CCDC40: variants seen among roughly 807,000 people sequenced by gnomAD.
The protein encoded by CCDC40 is coiled-coil domain-containing protein 40.
Under a neutral mutation model 124.5 loss-of-function variants are expected in CCDC40, and 104 were observed. That is an observed-to-expected ratio of 0.84 (90% CI 0.71 to 0.98). CCDC40 has a LOEUF of 0.98. CCDC40 is among the 50% of genes least tolerant of loss of function. The probability of loss-of-function intolerance (pLI) is 0.00; values close to 1 mark genes in which losing one functional copy is unlikely to be tolerated. For synonymous variants in CCDC40, 580 were observed against 602.9 expected, an observed-to-expected ratio of 0.96 and a Z score of 0.56; for missense variants, 1,463 against 1,503.9, an observed-to-expected ratio of 0.97 and a Z score of 0.45.
intron 3 of CCDC40, among the ~76,000 whole-genome samples, chr17:80,045,841 CAA>C (rs34444191): frequency 2.3e-4 from 31 of 133,196 alleles, no homozygotes; most frequent in African/African-American, 5.9e-4. Flanking sequence ...CATAACCTTT[CAA>C]AAAAAAAAAA....
rs1237660587 is a variant in CCDC40, at chr17:80,086,208, G to A, written c.2441G>A (p.Arg814Gln). ...CACATCATGGAGCAGAAGAAACTAC[G>A]AGTAGAAAGTAAGAGCCGCCGTGCC... ...ELHIMEQKKL[R>Q]VESKIEQEKK... is the part of the protein sequence containing the mutation. Residue 814 changes from arginine to glutamine, a missense_variant, in exon 14 of 20, where the codon CGA becomes CAA. Transcript: ENST00000397545. This position sits in a 1 kb window ranked among gnomAD's most constrained non-coding sequence, Gnocchi z 5.5. 14 of 1,606,204 alleles carry A rather than the reference G, an allele frequency of 8.7e-6. No homozygotes were observed. Among genetic ancestry groups the A allele is most frequent in the African/African-American group, 6.7e-5 (5 of 74,742 alleles).
chr17:80,089,167 C>T (rs562861938), intron 16 of CCDC40, among the ~76,000 whole-genome samples: 2 of 152,182 alleles, frequency 1.3e-5, no homozygotes, highest in East Asian at 1.9e-4. Context: ...TCAGAAGTTC[C>T]CCCTTGAAGC....
chr17:80,048,056 C>T (rs1001180017), intron 4 of CCDC40, among the ~76,000 whole-genome samples: 6 of 152,140 alleles, frequency 3.9e-5, no homozygotes, highest in Non-Finnish European at 5.9e-5. Context: ...GTCAGGTGTT[C>T]GAGACCAGTC....
At chr17:80,063,928 A>G (rs1015729149) in intron 9 of CCDC40, among the ~76,000 whole-genome samples, 1 of 152,194 alleles carries the variant, frequency 6.6e-6, no homozygotes, top group African/African-American at 2.4e-5. Context: ...AGCAGTACAC[A>G]TTGTACATGT....
chr17:80,090,079 T>G, intron 17 of CCDC40, 195 bp downstream of exon 17: 2 of 1,536,876 alleles, frequency 1.3e-6, no homozygotes, highest in Non-Finnish European at 1.7e-6. Context: ...AGCCGAGCAC[T>G]GGCAAAGCGC....
rs1260283424 is a variant in CCDC40 at position 80,087,955 on chromosome 17, G to A, written c.2620-56G>A. 8.5e-6 allele frequency: 12 copies of A among 1,411,512 alleles called. No individual in the cohort carries two copies. The highest frequency in any genetic ancestry group is 2.3e-5 in the East Asian group (1 of 43,980). The allele number at this position is 1,411,512 out of a possible 1,614,324, so 87.4% of individuals were successfully genotyped here. On this transcript the variant is annotated intron_variant, in intron 15 of 19. Transcript: ENST00000397545. This position sits in a 1 kb window ranked among gnomAD's most constrained non-coding sequence, Gnocchi z 4.5. ...TGCCGGGATAGAGGGCACCAGCCCC[G>A]GCATCCACAATCCCATGGCCCTCCC...
At chr17:80,076,249 T>C (rs2038307784) in intron 10 of CCDC40, among the ~76,000 whole-genome samples, 1 of 152,050 alleles carries the variant, frequency 6.6e-6, no homozygotes, top group South Asian at 2.1e-4. Flanking sequence ...TGGCAATGGA[T>C]GTGGCAGGAA....
At chr17:80,064,217 A>G (rs888502476) in intron 9 of CCDC40, among the ~76,000 whole-genome samples, 32 of 152,146 alleles carry the variant, frequency 2.1e-4, no homozygotes, top group African/African-American at 6.3e-4. Context: ...GGCCTCTCTC[A>G]TGCCCGGCGC....
chr17:80,077,510 G>A (rs562599298), intron 10 of CCDC40, among the ~76,000 whole-genome samples: 109 of 152,324 alleles, frequency 7.2e-4, no homozygotes, highest in Non-Finnish European at 1.4e-3. Context: ...GTGACAGAGC[G>A]AGACTCCGTC....
chr17:80,086,425 G>A lies in CCDC40; in HGVS notation c.2449+209G>A. ...AGTTCGCAGTCACAGCGGGAGGGTT[G>A]AGAAATGTCACGAAATGGCTCCAAG... On this transcript the variant is annotated intron_variant, in intron 14 of 19. Coordinates refer to ENST00000397545, the MANE Select transcript of CCDC40 (RefSeq NM_017950.4). The surrounding 1 kb of genome is among the most constrained non-coding windows in gnomAD (Gnocchi z 5.5). 1 of 570,720 alleles carries A rather than the reference G, an allele frequency of 1.8e-6. No homozygotes were observed. Among genetic ancestry groups the A allele is most frequent in the Admixed American group, 2.9e-5 (1 of 34,556 alleles). The allele number at this position is 570,720 out of a possible 1,614,324, so 35.4% of individuals were successfully genotyped here. A position where few individuals can be genotyped will look rare whatever the true frequency, so the allele number is the denominator to read the frequency against.
Position 80,087,969 on chromosome 17 carries a change from C to G in CCDC40, c.2620-42C>G, listed in dbSNP as rs1346883339. The G allele has an allele frequency of 6.7e-7, 1 of 1,484,190 alleles. No individual in the cohort carries two copies. The allele number at this position is 1,484,190 out of a possible 1,614,324, so 91.9% of individuals were successfully genotyped here. A position where few individuals can be genotyped will look rare whatever the true frequency, so the allele number is the denominator to read the frequency against. ...GCACCAGCCCCGGCATCCACAATCCCATGGCCCTCCCCACAGCTGTCCCGC... is the reference window on the plus strand; with the variant it reads ...GCACCAGCCCCGGCATCCACAATCCGATGGCCCTCCCCACAGCTGTCCCGC... On this transcript the variant is annotated intron_variant, in intron 15 of 19. Coordinates refer to ENST00000397545, the MANE Select transcript of CCDC40 (RefSeq NM_017950.4). The surrounding 1 kb of genome is among the most constrained non-coding windows in gnomAD (Gnocchi z 4.5).
chr17:80,098,376 G>A (rs1207971468), intron 19 of CCDC40, among the ~76,000 whole-genome samples: 6 of 152,376 alleles, frequency 3.9e-5, no homozygotes, highest in South Asian at 2.1e-4. Context: ...GGGCTCCCGC[G>A]CGCTCTAAGA....
In CCDC40 at chr17:80,095,537, G is replaced by A. The variant is rs1052412416; in HGVS notation, c.3021+86G>A. ...TCCAGGAAGGCGTCTTGCTGGGTCC[G>A]GGGTGAGGATGCAGAGGCTGCAGTG... On this transcript the variant is annotated intron_variant, in intron 18 of 19. Coordinates refer to ENST00000397545, the MANE Select transcript of CCDC40 (RefSeq NM_017950.4). 1.3e-5 allele frequency: 18 copies of A among 1,340,248 alleles called. No individual in the cohort carries two copies. The Admixed American group carries it at 1.7e-4, about 13-fold the overall frequency. 83.0% of individuals were successfully genotyped at this position (1,340,248 alleles called of 1,614,324 possible). A position where few individuals can be genotyped will look rare whatever the true frequency, so the allele number is the denominator to read the frequency against.
At chr17:80,054,523 C>T (rs1457938214) in intron 7 of CCDC40, among the ~76,000 whole-genome samples, 3 of 152,062 alleles carry the variant, frequency 2.0e-5, no homozygotes, top group East Asian at 1.9e-4. Flanking sequence ...CAAACGCTGA[C>T]AGCATACAAG....
At chr17:80,095,196 C>G (rs758018141) in intron 17 of CCDC40, 67 bp from the exon 18 acceptor site, 11 of 1,488,154 alleles carry the variant, frequency 7.4e-6, no homozygotes, top group South Asian at 1.1e-5. Flanking sequence ...GCCAGCGCCC[C>G]GGCCACTCTC....
intron 12 of CCDC40, among the ~76,000 whole-genome samples, chr17:80,082,616 G>T (rs901161391): frequency 2.6e-5 from 4 of 152,072 alleles, no homozygotes; most frequent in Admixed American, 2.6e-4. Flanking sequence ...TCAGAGGAGG[G>T]TGACAGATTC....
chr17:80,039,866 A>G lies in CCDC40; in HGVS notation c.148A>G (p.Thr50Ala). 1 of 1,614,020 alleles carries G rather than the reference A, an allele frequency of 6.2e-7. No homozygotes were observed. Among genetic ancestry groups the G allele is most frequent in the Non-Finnish European group, 8.5e-7 (1 of 1,179,998 alleles). Residue 50 changes from threonine to alanine, a missense_variant, in exon 3 of 20, where the codon ACA (threonine) becomes GCA (alanine). By Grantham distance (58) the Thr-to-Ala change is moderately conservative. Coordinates refer to ENST00000397545, the MANE Select transcript of CCDC40 (RefSeq NM_017950.4). ...GAAAGGTGAAGAAGCTGTCGGTAGC[A>G]CAGAGCATCCTGAGGAAGTCACAAC... ...GQKGEEAVGS[T>A]EHPEEVTTQA...
intron 10 of CCDC40, among the ~76,000 whole-genome samples, chr17:80,073,506 G>C (rs2038241436): frequency 6.6e-6 from 1 of 152,188 alleles, no homozygotes; most frequent in Non-Finnish European, 1.5e-5. Context: ...GCCACGAACT[G>C]CCCTTGTTTA....
chr17:80,072,678 T>G (rs1214119397), intron 10 of CCDC40, among the ~76,000 whole-genome samples: 1 of 152,150 alleles, frequency 6.6e-6, no homozygotes, highest in Non-Finnish European at 1.5e-5. Flanking sequence ...AATCGCGCAG[T>G]CTGTAGCTTT....
Sources: gnomAD v4.1 joint callset for allele counts (sites outside exome capture counted in the v4.1 genomes callset) on GRCh38, gnomAD v4.1.1 for gene constraint, Gnocchi (gnomAD v3.1) non-coding constraint, MANE v1.5 for transcripts, NCBI Gene and HGNC (gene_info 2026-07-23, HGNC 2026-07-21) for gene names.